DYNLRB1: variants seen among roughly 807,000 people sequenced by gnomAD.
DYNLRB1 encodes the protein dynein light chain roadblock-type 1.
A neutral mutation model predicts 13.5 loss-of-function variants in DYNLRB1; 6 were observed. That is an observed-to-expected ratio of 0.44 (90% CI 0.24 to 0.88). The LOEUF (loss-of-function observed/expected upper bound fraction) is 0.88. Ranked by LOEUF, DYNLRB1 falls within the 40% of genes least tolerant of loss-of-function variation. The pLI, the probability that DYNLRB1 is intolerant of heterozygous loss-of-function variation, is 0.21. For missense variants in DYNLRB1, 93 were observed against 127.2 expected, an observed-to-expected ratio of 0.73 and a Z score of 1.29; for synonymous variants, 43 against 45.0, an observed-to-expected ratio of 0.96 and a Z score of 0.18.
intron 1 of DYNLRB1, among the ~76,000 whole-genome samples, chr20:34,519,980 G>T (rs747012846): frequency 2.0e-5 from 3 of 151,892 alleles, no homozygotes; most frequent in Admixed American, 6.6e-5. Flanking sequence ...CTAAAAATAC[G>T]AAAAGTAGCC....
chr20:34,528,041 G>A (rs1276395763), intron 2 of DYNLRB1, among the ~76,000 whole-genome samples: 1 of 39,538 alleles, frequency 2.5e-5, no homozygotes, highest in Non-Finnish European at 5.9e-5. Context: ...GGCCGGGCGC[G>A]GTGGCTCACG....
At chr20:34,530,016 C>CT (rs1179063669) in intron 2 of DYNLRB1, 2 of 1,262,532 alleles carry the variant, frequency 1.6e-6, no homozygotes, top group Non-Finnish European at 2.0e-6. Flanking sequence ...ACTTCTTGCT[C>CT]TAAGACCTGA....
intron 2 of DYNLRB1, among the ~76,000 whole-genome samples, chr20:34,534,358 C>T (rs1356186045): frequency 1.3e-5 from 2 of 152,254 alleles, no homozygotes; most frequent in Admixed American, 1.3e-4. Flanking sequence ...CCTGGCCCCA[C>T]TGTGTGACTA....
chr20:34,521,530 ATG>A (rs1234866436), intron 1 of DYNLRB1, among the ~76,000 whole-genome samples: 1 of 151,696 alleles, frequency 6.6e-6, no homozygotes, highest in Non-Finnish European at 1.5e-5. Flanking sequence ...CAGAAGTTTT[ATG>A]TTTAGTGGTC....
intron 1 of DYNLRB1, 197 bp downstream of exon 1, chr20:34,516,658 C>T (rs1260559271): frequency 4.8e-6 from 7 of 1,462,016 alleles, no homozygotes; most frequent in Admixed American, 2.4e-5. Context: ...GAGGCGGGGC[C>T]GCCGGATCCC....
chr20:34,533,774 G>A (rs746444729), intron 2 of DYNLRB1, among the ~76,000 whole-genome samples: 3 of 151,420 alleles, frequency 2.0e-5, no homozygotes, highest in Non-Finnish European at 2.9e-5. Flanking sequence ...AGCCGAGGTT[G>A]CACCATTGCA....
chr20:34,516,275 C>T (rs1207542518), upstream of DYNLRB1: 15 of 959,382 alleles, frequency 1.6e-5, no homozygotes, highest in Non-Finnish European at 2.1e-5. Context: ...TTCGCTTTGC[C>T]ACAGTGGAAA....
At chr20:34,519,646 AT>A (rs1483504820) in intron 1 of DYNLRB1, among the ~76,000 whole-genome samples, 1 of 152,182 alleles carries the variant, frequency 6.6e-6, no homozygotes, top group East Asian at 1.9e-4. Context: ...TAAGGTCTGT[AT>A]CGTATCCTAG....
At chr20:34,522,089 G>A (rs1315861973) in intron 1 of DYNLRB1, among the ~76,000 whole-genome samples, 4 of 151,870 alleles carry the variant, frequency 2.6e-5, no homozygotes, top group Non-Finnish European at 4.4e-5. Flanking sequence ...AGCCAGAGTA[G>A]CATCCCTTGC....
rs1001950714 is a variant in DYNLRB1, at chr20:34,535,853, G to A, written c.247+1058G>A. 3.8e-5 allele frequency: 37 copies of A among 985,186 alleles called. No individual in the cohort carries two copies. The African/African-American group carries it at 5.6e-4, about 15-fold the overall frequency. 61.0% of individuals were successfully genotyped at this position (985,186 alleles called of 1,614,324 possible). ...GCAGGAGGTGATAGGATTATGATTAGGACCTGGATAAAGGAAGGCAGTGGG... is the reference window on the plus strand; with the variant it reads ...GCAGGAGGTGATAGGATTATGATTAAGACCTGGATAAAGGAAGGCAGTGGG... On this transcript the variant is annotated intron_variant, in intron 3 of 3. Transcript: ENST00000357156.
At chr20:34,525,122 C>A (rs1253935844) in intron 1 of DYNLRB1, among the ~76,000 whole-genome samples, 1 of 152,110 alleles carries the variant, frequency 6.6e-6, no homozygotes, top group Non-Finnish European at 1.5e-5. Context: ...GGATTGTCAG[C>A]CTTGTGCCTT....
intron 1 of DYNLRB1, chr20:34,516,783 C>G (rs1979242496): frequency 2.6e-6 from 4 of 1,550,170 alleles, no homozygotes; most frequent in Non-Finnish European, 3.5e-6. Context: ...CGATGGCAAC[C>G]CTGGCAACGT....
chr20:34,516,304 C>T (rs1979157686), upstream of DYNLRB1: 5 of 1,248,196 alleles, frequency 4.0e-6, no homozygotes, highest in Non-Finnish European at 4.4e-6. Flanking sequence ...TCCAAGAATC[C>T]TGGCGGAGCC....
chr20:34,535,480 T>TG (rs1426973898), intron 3 of DYNLRB1: 2 of 764,944 alleles, frequency 2.6e-6, no homozygotes, highest in Admixed American at 6.3e-5. Context: ...ATGCTCATTC[T>TG]GGGAGGAGCC....
intron 2 of DYNLRB1, chr20:34,530,063 G>T: frequency 8.1e-7 from 1 of 1,242,012 alleles, no homozygotes; most frequent in African/African-American, 1.5e-5. Context: ...TGTCTTCTGG[G>T]ACTGGACATT....
chr20:34,531,173 G>C (rs1048152365), intron 2 of DYNLRB1: 2 of 152,410 alleles, frequency 1.3e-5, no homozygotes, highest in Admixed American at 6.5e-5. Flanking sequence ...ACTTAGGATG[G>C]TGTTGGCCCA....
At chr20:34,536,315 C>T (rs1021892366) in intron 3 of DYNLRB1, 2 of 985,234 alleles carry the variant, frequency 2.0e-6, no homozygotes, top group Admixed American at 6.2e-5. Flanking sequence ...CTGTGCTGTG[C>T]TGATGTCCTG....
intron 1 of DYNLRB1, among the ~76,000 whole-genome samples, chr20:34,521,133 C>G (rs1272042891): frequency 6.6e-6 from 1 of 152,186 alleles, no homozygotes; most frequent in African/African-American, 2.4e-5. Context: ...CTGCCTCAGC[C>G]TCCTGAGTAG....
Position 34,526,294 on chromosome 20 carries a change from A to G in DYNLRB1, c.30A>G (p.Arg10=). Residue 10 remains arginine, a synonymous_variant, in exon 2 of 4, where the codon CGA becomes CGG. Transcript: ENST00000357156. ...CAGAGGTGGAGGAGACACTGAAGCG[A>G]CTGCAGAGCCAGAAGGGAGTGCAGG... The part of the protein sequence containing the change: MAEVEETLK[R]LQSQKGVQGI... 1 of 1,614,154 alleles carries G rather than the reference A, an allele frequency of 6.2e-7. No individual in the cohort carries two copies. Among genetic ancestry groups the G allele is most frequent in the South Asian group, 1.1e-5 (1 of 91,084 alleles).
Sources: allele counts gnomAD v4.1 joint callset (sites outside exome capture counted in the v4.1 genomes callset), GRCh38; gene constraint gnomAD v4.1.1; transcripts MANE v1.5; gene names NCBI Gene and HGNC (gene_info 2026-07-23, HGNC 2026-07-21).